Variants in UNG observed in about 807,000 individuals in gnomAD.
UNG encodes uracil DNA glycosylase.
In UNG, 34 loss-of-function variants were observed where a neutral mutation model predicts 36.5. That is an observed-to-expected ratio of 0.93 (90% CI 0.71 to 1.24). The LOEUF is 1.24. Among genes scored for constraint, UNG ranks in the 50% most tolerant of loss-of-function variants. The pLI, the probability that UNG is intolerant of heterozygous loss-of-function variation, is 0.00. For missense variants in UNG, 391 were observed against 397.6 expected, an observed-to-expected ratio of 0.98 and a Z score of 0.14; for synonymous variants, 172 against 157.8, an observed-to-expected ratio of 1.09 and a Z score of -0.67.
rs2042254780 is a variant in UNG, at chr12:109,110,677, T to TG, written c.*712dup. The TG allele has an allele frequency of 6.6e-6, 1 of 152,442 alleles. No individual in the cohort carries two copies. Among genetic ancestry groups the TG allele is most frequent in the Non-Finnish European group, 1.5e-5 (1 of 68,308 alleles). The allele number at this position is 152,442 out of a possible 1,614,324, so 9.4% of individuals were successfully genotyped here. A position where few individuals can be genotyped will look rare whatever the true frequency, so the allele number is the denominator to read the frequency against. ...AGGAGAAAAGGGAATTTTGTCTTTA[T>TG]GGGGTGGGGTGATTTTCTCCTAGGG... On this transcript the variant is annotated 3_prime_UTR_variant, in exon 7 of 7. Coordinates refer to ENST00000242576, the MANE Select transcript of UNG (RefSeq NM_080911.3).
chr12:109,107,541 T>TC (rs2042227358), intron 6 of UNG, among the ~76,000 whole-genome samples: 1 of 147,402 alleles, frequency 6.8e-6, no homozygotes, highest in Non-Finnish European at 1.5e-5. Context: ...TTTTTTTTTT[T>TC]TCTGAGACAG....
chr12:109,109,763 CAAAAA>C (rs71079524), intron 6 of UNG, 61 bp from the exon 7 acceptor site: 20 of 1,302,976 alleles, frequency 1.5e-5, no homozygotes, highest in African/African-American at 8.1e-5. Context: ...GACTCTGTCT[CAAAAA>C]AAAAAAAAAA....
chr12:109,105,457 AGTT>A (rs2042209084), intron 6 of UNG, among the ~76,000 whole-genome samples: 1 of 152,236 alleles, frequency 6.6e-6, no homozygotes, highest in South Asian at 2.1e-4. Context: ...GAAAGTAAAC[AGTT>A]GTTAAAGTAG....
chr12:109,103,884 C>T (rs2042197723), intron 6 of UNG, among the ~76,000 whole-genome samples: 1 of 152,076 alleles, frequency 6.6e-6, no homozygotes, highest in Non-Finnish European at 1.5e-5. Context: ...AACTTGGTGT[C>T]TACAAGATAC....
chr12:109,106,922 T>TACATATACACAC (rs1166230633), intron 6 of UNG, among the ~76,000 whole-genome samples: 1 of 67,792 alleles, frequency 1.5e-5, no homozygotes, highest in African/African-American at 4.9e-5. Flanking sequence ...TATATGTGTA[T>TACATATACACAC]ATATATATAT....
chr12:109,098,119 A>G (rs1208716501), intron 1 of UNG: 1 of 1,380,596 alleles, frequency 7.2e-7, no homozygotes, highest in East Asian at 2.7e-5. Flanking sequence ...TTTGCCGCGA[A>G]AAGACCACGT....
chr12:109,099,502 G>C (rs1183615809), intron 3 of UNG, among the ~76,000 whole-genome samples: 2 of 152,108 alleles, frequency 1.3e-5, no homozygotes, highest in Non-Finnish European at 2.9e-5. Flanking sequence ...TACATCCTGT[G>C]CTCTTATTTC....
At chr12:109,100,532 TG>T (rs1296854669) in intron 3 of UNG, among the ~76,000 whole-genome samples, 2 of 152,226 alleles carry the variant, frequency 1.3e-5, no homozygotes, top group Non-Finnish European at 2.9e-5. Flanking sequence ...TCTAGCTCTT[TG>T]GTTTTGAAGC....
rs2042250496 is a variant in UNG at position 109,110,148 on chromosome 12, A to G, written c.*179A>G. The stretch of plus-strand genomic sequence containing the variant: ...CAGCTGTATCCAACCACAAACAACA[A>G]AGGCTACCCTTTGACCAAATGTCTT... On this transcript the variant is annotated 3_prime_UTR_variant, in exon 7 of 7. Coordinates refer to ENST00000242576, the MANE Select transcript of UNG (RefSeq NM_080911.3). 1.3e-6 allele frequency: 1 copy of G among 745,416 alleles called. No homozygotes were observed. The allele number at this position is 745,416 out of a possible 1,614,324, so 46.2% of individuals were successfully genotyped here.
intron 5 of UNG, 125 bp downstream of exon 5, chr12:109,103,052 G>A (rs2042190330): frequency 1.7e-5 from 13 of 754,516 alleles, no homozygotes; most frequent in Non-Finnish European, 2.2e-6. Flanking sequence ...CCCAGGTTCA[G>A]GCGATTCTCA....
At chr12:109,099,403 C>G (rs2042160172) in intron 3 of UNG, 119 bp downstream of exon 3, 1 of 885,750 alleles carries the variant, frequency 1.1e-6, no homozygotes, top group African/African-American at 1.7e-5. Context: ...ACACTGAAAT[C>G]CCGAGGTTTG....
At chr12:109,109,228 A>G (rs1256322878) in intron 6 of UNG, among the ~76,000 whole-genome samples, 1 of 152,182 alleles carries the variant, frequency 6.6e-6, no homozygotes, top group Non-Finnish European at 1.5e-5. Context: ...TTTAGCAAAT[A>G]CAGTCTTAGC....
chr12:109,110,948 A>G lies in UNG; in HGVS notation c.*979A>G, dbSNP rs749674756. On this transcript the variant is annotated 3_prime_UTR_variant, in exon 7 of 7. Transcript: ENST00000242576. ...CTGTTTTTGCTGTTAGTCGGGTTAG[A>G]GTTGGCTCTACGCGAGGTTTGTTAA... 1 of 151,984 alleles carries G rather than the reference A, an allele frequency of 6.6e-6. No individual in the cohort carries two copies. Among genetic ancestry groups the G allele is most frequent in the Admixed American group, 6.6e-5 (1 of 15,254 alleles). 9.4% of individuals were successfully genotyped at this position (151,984 alleles called of 1,614,324 possible). A position where few individuals can be genotyped will look rare whatever the true frequency, so the allele number is the denominator to read the frequency against.
At chr12:109,106,915 A>ATATATATATATATG (rs2042220910) in intron 6 of UNG, among the ~76,000 whole-genome samples, 1 of 43,314 alleles carries the variant, frequency 2.3e-5, no homozygotes, top group African/African-American at 1.9e-4. Context: ...GTATATATAT[A>ATATATATATATATG]TGTGTATATA....
intron 1 of UNG, 23 bp from the exon 2 acceptor site, chr12:109,098,409 G>A (rs1378670251): frequency 1.2e-6 from 2 of 1,601,890 alleles, no homozygotes; most frequent in African/African-American, 1.3e-5. Flanking sequence ...CTCTTGAGCC[G>A]CCTCTGCGGG....
intron 4 of UNG, among the ~76,000 whole-genome samples, chr12:109,102,568 G>A (rs1315935617): frequency 6.6e-6 from 1 of 152,190 alleles, no homozygotes; most frequent in Non-Finnish European, 1.5e-5. Context: ...CAACAGTGGG[G>A]GTCTGGGTTG....
At chr12:109,100,159 ACCTCCCAC>A (rs1435175517) in intron 3 of UNG, among the ~76,000 whole-genome samples, 1 of 151,490 alleles carries the variant, frequency 6.6e-6, no homozygotes, top group East Asian at 1.9e-4. Flanking sequence ...CCTTACCTCC[ACCTCCCAC>A]TCTCCCACTC....
Position 109,110,114 on chromosome 12 carries a change from C to A in UNG, c.*145C>A. 9.3e-7 allele frequency: 1 copy of A among 1,076,924 alleles called. No homozygotes were observed. Among genetic ancestry groups the A allele is most frequent in the East Asian group, 2.6e-5 (1 of 38,934 alleles). 66.7% of individuals were successfully genotyped at this position (1,076,924 alleles called of 1,614,324 possible). On this transcript the variant is annotated 3_prime_UTR_variant, in exon 7 of 7. Transcript: ENST00000242576. ...GAAAGCAGCCATGAACCAGGCTGTC[C>A]AGGAATGGCAGCTGTATCCAACCAC...
Position 109,099,248 on chromosome 12 carries a change from A to C in UNG, c.399A>C (p.Gln133His), listed in dbSNP as rs576044400. 1.1e-5 allele frequency: 17 copies of C among 1,614,010 alleles called. No individual in the cohort carries two copies. In the Admixed American group the frequency reaches 2.3e-4, roughly 22 times the overall value. ...ACACTGTTTATCCACCCCCACACCA[A>C]GTCTTCACCTGGACCCAGATGTGTG... ...KHYTVYPPPH[Q>H]VFTWTQMCDI... The change falls in exon 3 of 7, where the codon CAA (glutamine) becomes CAC (histidine). Residue 133 changes from glutamine to histidine, a missense_variant. By Grantham distance (24) the Gln-to-His change is conservative (BLOSUM62 0). Coordinates refer to ENST00000242576, the MANE Select transcript of UNG (RefSeq NM_080911.3).
Sources: allele counts gnomAD v4.1 joint callset (sites outside exome capture counted in the v4.1 genomes callset), GRCh38; gene constraint gnomAD v4.1.1; transcripts MANE v1.5; gene names NCBI Gene and HGNC (gene_info 2026-07-23, HGNC 2026-07-21).